The following KIR2DL4 variants were observed in gnomAD, a reference collection of about 807,000 sequenced individuals.
KIR2DL4 encodes the protein killer cell immunoglobulin-like receptor 2DL4.
Under a neutral mutation model 31.0 loss-of-function variants are expected in KIR2DL4, and 41 were observed. That is an observed-to-expected ratio of 1.32 (90% CI 1.03 to 1.72). The LOEUF is 1.72. Among genes scored for constraint, KIR2DL4 ranks in the 40% most tolerant of loss-of-function variants. KIR2DL4 has a pLI of 0.00. For synonymous variants in KIR2DL4, 164 were observed against 133.6 expected (o/e 1.23, Z -1.57); for missense variants, 438 against 353.7 (o/e 1.24, Z -1.91).
At position 54,813,686 on chromosome 19, in the gene KIR2DL4, A is replaced by G. The variant is rs1280032657; in HGVS notation, c.811-4A>G. 1.2e-6 allele frequency: 2 copies of G among 1,611,808 alleles called. No individual in the cohort carries two copies. The highest frequency in any genetic ancestry group is 1.7e-6 in the Non-Finnish European group (2 of 1,179,468). ...GCTGTTTTGATTGCTTCCGTCTCCTACAGATGCTGCTGTAATGAACCAAGA... is the reference window on the plus strand; with the variant it reads ...GCTGTTTTGATTGCTTCCGTCTCCTGCAGATGCTGCTGTAATGAACCAAGA... On this transcript the variant is annotated splice_polypyrimidine_tract_variant and splice_region_variant and intron_variant, in intron 6 of 7. Coordinates refer to ENST00000359085, the Ensembl canonical transcript of KIR2DL4.
At chr19:54,804,153 G>GAA (rs1486629230) in intron 2 of KIR2DL4, among the ~76,000 whole-genome samples, 26 of 106,660 alleles carry the variant, frequency 2.4e-4, no homozygotes, top group Admixed American at 3.8e-4. Flanking sequence ...ATCCTGGTAT[G>GAA]CTCAGCCCTC....
At chr19:54,811,093 G>T (rs368697840) in intron 5 of KIR2DL4, among the ~76,000 whole-genome samples, 2 of 151,278 alleles carry the variant, frequency 1.3e-5, no homozygotes, top group African/African-American at 4.9e-5. Flanking sequence ...CAAAGGAAGA[G>T]ACCTATTATA....
In KIR2DL4 at chr19:54,807,718, G is replaced by A. The variant is rs377514701; in HGVS notation, c.656-1115G>A. Among the ~76,000 whole-genome samples, 18 of 149,316 alleles carry A rather than the reference G, an allele frequency of 1.2e-4. 1 individual carries two copies. The highest frequency in any genetic ancestry group is 9.8e-4 in the East Asian group (5 of 5,090). ...CTCCCAAGGTGCTGGGATTACAAGCGTGAGACACAGTGCCTAATCTCTTTT... is the reference window on the plus strand; with the variant it reads ...CTCCCAAGGTGCTGGGATTACAAGCATGAGACACAGTGCCTAATCTCTTTT... On this transcript the variant is annotated intron_variant, in intron 4 of 7. Coordinates refer to ENST00000359085, the Ensembl canonical transcript of KIR2DL4.
rs1465961445 is a variant in KIR2DL4, at chr19:54,806,221, A to C, written c.632A>C (p.Asp211Ala). The C allele has an allele frequency of 5.6e-6, 9 of 1,610,164 alleles. 1 individual carries two copies. Among genetic ancestry groups the C allele is most frequent in the Non-Finnish European group, 7.6e-6 (9 of 1,178,896 alleles). Residue 211 changes from aspartate to alanine, a missense_variant, in exon 4 of 8, where the codon GAC becomes GCC. Asp to Ala is a moderately radical substitution (Grantham distance 126). Coordinates refer to ENST00000359085, the Ensembl canonical transcript of KIR2DL4. ...CCCTACGAGTGGTCAGACCCGAGTG[A>C]CCCACTGCCTGTTTCTGTCACAGGT...
intron 5 of KIR2DL4, among the ~76,000 whole-genome samples, chr19:54,811,227 A>G (rs2060847952): frequency 6.6e-6 from 1 of 150,774 alleles, no homozygotes; most frequent in Admixed American, 6.6e-5. Flanking sequence ...GTGAAACCCC[A>G]TCTCTACTAA....
At chr19:54,814,270 C>A (rs1285324473) in exon 8 of KIR2DL4, 1 of 780,422 alleles carries the variant, frequency 1.3e-6, no homozygotes, top group Admixed American at 2.7e-5. Context: ...CCCCTGCCCA[C>A]CTCTCCAACC....
rs1242349301 is a variant in KIR2DL4 at position 54,813,309 on chromosome 19, A to C, written c.810+81A>C. ...GGGAGCACGCAGGTGTGTGTTCCTCACTGGCAGGAAAGTCTCTGGCCCAAG... is the reference window on the plus strand; with the variant it reads ...GGGAGCACGCAGGTGTGTGTTCCTCCCTGGCAGGAAAGTCTCTGGCCCAAG... On this transcript the variant is annotated intron_variant, in intron 6 of 7. Transcript: ENST00000359085. 4 of 1,577,228 alleles carry C rather than the reference A, an allele frequency of 2.5e-6. No individual in the cohort carries two copies. In the African/African-American group the frequency reaches 4.2e-5, roughly 17 times the overall value.
chr19:54,812,423 C>T (rs1322150592), intron 5 of KIR2DL4, among the ~76,000 whole-genome samples: 4 of 151,306 alleles, frequency 2.6e-5, no homozygotes, highest in Non-Finnish European at 4.4e-5. Context: ...ATGATGTTCT[C>T]CTCCAGGAAG....
At chr19:54,805,205 C>T in intron 3 of KIR2DL4, 128 bp downstream of exon 3, 1 of 883,424 alleles carries the variant, frequency 1.1e-6, no homozygotes, top group Admixed American at 2.4e-5. Context: ...GGATTGAATA[C>T]AGGGGAATGG....
rs878930077 is a variant in KIR2DL4 at position 54,813,229 on chromosome 19, G to A, written c.810+1G>A. The stretch of plus-strand genomic sequence containing the variant: ...TCATCGCTGGTGCTCCAAAAAAAAA[G>A]TAAGCCTCACGAAGCAGAGGCCAGA... On this transcript the variant is annotated splice_donor_variant, in intron 6 of 7. Transcript: ENST00000359085. LOFTEE classifies it high-confidence loss of function. 2 of 1,419,738 alleles carry A rather than the reference G, an allele frequency of 1.4e-6. No individual in the cohort carries two copies. The highest frequency in any genetic ancestry group is 1.9e-6 in the Non-Finnish European group (2 of 1,069,294). The allele number at this position is 1,419,738 out of a possible 1,614,324, so 87.9% of individuals were successfully genotyped here.
At chr19:54,813,668 T>G in intron 6 of KIR2DL4, 22 bp from the exon 6 acceptor site, 1 of 1,610,088 alleles carries the variant, frequency 6.2e-7, no homozygotes, top group Non-Finnish European at 8.5e-7. Context: ...CCAGCTGTTT[T>G]GATTGCTTCC....
chr19:54,806,665 T>C (rs1283018722), intron 4 of KIR2DL4, among the ~76,000 whole-genome samples: 3 of 151,268 alleles, frequency 2.0e-5, no homozygotes, highest in African/African-American at 7.3e-5. Context: ...AATATACCTA[T>C]ATAATTTATC....
chr19:54,813,463 G>A (rs1402887264), intron 6 of KIR2DL4, among the ~76,000 whole-genome samples: 9 of 150,322 alleles, frequency 6.0e-5, no homozygotes, highest in Non-Finnish European at 8.8e-5. Flanking sequence ...TCCAGGAGAA[G>A]ATTCCATGAC....
In KIR2DL4 at chr19:54,804,791, A is replaced by G; in HGVS notation, c.77-2A>G. On this transcript the variant is annotated splice_acceptor_variant, in intron 2 of 7. Coordinates refer to ENST00000359085, the Ensembl canonical transcript of KIR2DL4. LOFTEE classifies it high-confidence loss of function. ...CTGAGGCGGCATCTCCTTCTCCCCAAGGTGGTCAGGACAAGCCCTTCTGCT... is the reference window on the plus strand; with the variant it reads ...CTGAGGCGGCATCTCCTTCTCCCCAGGGTGGTCAGGACAAGCCCTTCTGCT... 1.2e-6 allele frequency: 2 copies of G among 1,611,292 alleles called. No individual in the cohort carries two copies. Among genetic ancestry groups the G allele is most frequent in the African/African-American group, 1.3e-5 (1 of 74,286 alleles).
chr19:54,813,905 C>G lies in KIR2DL4; in HGVS notation c.*105C>G, dbSNP rs767830266. The G allele has an allele frequency of 1.4e-5, 22 of 1,612,408 alleles. 1 individual carries two copies. The highest frequency in any genetic ancestry group is 1.2e-5 in the Non-Finnish European group (14 of 1,179,676). On this transcript the variant is annotated 3_prime_UTR_variant, in exon 8 of 8. Transcript: ENST00000359085. ...ACAGTTGGATCACTGCATTTTCACACAGAGAAAAATCACTGGCCCTTCTCA... is the reference window on the plus strand; with the variant it reads ...ACAGTTGGATCACTGCATTTTCACAGAGAGAAAAATCACTGGCCCTTCTCA...
exon 8 of KIR2DL4, chr19:54,814,292 C>A: frequency 1.5e-6 from 1 of 660,026 alleles, no homozygotes; most frequent in Non-Finnish European, 2.5e-6. Flanking sequence ...AACTGGCTTA[C>A]TTCCTAGTCT....
At chr19:54,812,776 C>T (rs1457765146) in intron 5 of KIR2DL4, among the ~76,000 whole-genome samples, 1 of 144,306 alleles carries the variant, frequency 6.9e-6, no homozygotes, top group Non-Finnish European at 1.5e-5. Context: ...AGAGGGAGAA[C>T]TTGCTAACCC....
At chr19:54,809,615 C>T (rs1342564714) in intron 5 of KIR2DL4, among the ~76,000 whole-genome samples, 1 of 151,340 alleles carries the variant, frequency 6.6e-6, no homozygotes, top group African/African-American at 2.4e-5. Context: ...CTCCTAGAGG[C>T]TCCCACATTC....
At chr19:54,805,517 T>G (rs2060459613) in intron 3 of KIR2DL4, among the ~76,000 whole-genome samples, 1 of 151,028 alleles carries the variant, frequency 6.6e-6, no homozygotes, top group Non-Finnish European at 1.5e-5. Flanking sequence ...GCTGGAGAAA[T>G]CAATGGAACT....
Sources: gnomAD v4.1 joint callset for allele counts (sites outside exome capture counted in the v4.1 genomes callset) on GRCh38, gnomAD v4.1.1 for gene constraint, MANE v1.5 for transcripts, NCBI Gene and HGNC (gene_info 2026-07-23, HGNC 2026-07-21) for gene names.